Variants in UNCX observed in about 807,000 individuals in gnomAD.
UNCX encodes homeobox protein unc-4 homolog.
UNCX carries 4 observed loss-of-function variants against 14.8 expected under a neutral mutation model. That is an observed-to-expected ratio of 0.27 (90% CI 0.13 to 0.62). The LOEUF is 0.62. UNCX is among the 20% of genes least tolerant of loss of function. The pLI, the probability that UNCX is intolerant of heterozygous loss-of-function variation, is 0.86. For missense variants in UNCX, 749 were observed against 786.8 expected (o/e 0.95, Z 0.58); for synonymous variants, 459 against 395.8 (o/e 1.16, Z -1.90).
In UNCX at chr7:1,235,982, GAGA is replaced by G. The variant is rs1562375640; in HGVS notation, c.610_612del (p.Lys204del). 3.7e-6 allele frequency: 6 copies of G among 1,611,082 alleles called. No individual in the cohort carries two copies. Among genetic ancestry groups the G allele is most frequent in the Admixed American group, 1.7e-5 (1 of 59,762 alleles). ...CGCGCGCAAGGAGCTGGAGAAGATG[GAGA>G]AGAAGAAGCGCAAGCACGAGAAGAA... On this transcript the variant is annotated inframe_deletion, in exon 3 of 3. Transcript: ENST00000316333.
In UNCX at chr7:1,236,328, T is replaced by TGGC. The variant is rs1778740101; in HGVS notation, c.953_955dup (p.Ala318dup). On this transcript the variant is annotated inframe_insertion, in exon 3 of 3. Transcript: ENST00000316333. This position sits in a 1 kb window ranked among gnomAD's most constrained non-coding sequence, Gnocchi z 6.9. Reference sequence around the variant, plus strand: ...GCCTCGTGCGGGCCAGGGGCCGCTGTGGCGGCGGTGGAGCGCGGCGCCGCG... The same window carrying TGGC: ...GCCTCGTGCGGGCCAGGGGCCGCTGTGGCGGCGGCGGTGGAGCGCGGCGCCGCG... 1.5e-6 allele frequency: 2 copies of TGGC among 1,295,234 alleles called. No individual in the cohort carries two copies. Among genetic ancestry groups the TGGC allele is most frequent in the Non-Finnish European group, 2.0e-6 (2 of 1,021,774 alleles). The allele number at this position is 1,295,234 out of a possible 1,614,324, so 80.2% of individuals were successfully genotyped here.
chr7:1,236,522 T>C lies in UNCX; in HGVS notation c.1141T>C (p.Tyr381His). The C allele has an allele frequency of 7.2e-7, 1 of 1,393,058 alleles. No individual in the cohort carries two copies. Among genetic ancestry groups the C allele is most frequent in the Non-Finnish European group, 9.4e-7 (1 of 1,066,524 alleles). 86.3% of individuals were successfully genotyped at this position (1,393,058 alleles called of 1,614,324 possible). ...TLIGKGHFLL[Y>H]PITQPLGFLV... is the part of the protein sequence containing the mutation. Reference sequence around the variant, plus strand: ...GATCGGCAAGGGCCACTTCCTCCTCTACCCCATCACGCAGCCGCTCGGCTT... The same window carrying C: ...GATCGGCAAGGGCCACTTCCTCCTCCACCCCATCACGCAGCCGCTCGGCTT... Residue 381 changes from tyrosine (Y) to histidine (H), a missense_variant, in exon 3 of 3, where the codon TAC becomes CAC. By Grantham distance (83) the Tyr-to-His change is moderately conservative (BLOSUM62 2). Coordinates refer to ENST00000316333, the MANE Select transcript of UNCX (RefSeq NM_001080461.3). The surrounding 1 kb of genome is among the most constrained non-coding windows in gnomAD (Gnocchi z 6.9).
chr7:1,235,752 G>C, intron 2 of UNCX, 80 bp from the exon 3 acceptor site: 3 of 1,335,480 alleles, frequency 2.2e-6, no homozygotes, highest in Non-Finnish European at 2.1e-6. Flanking sequence ...GCCCCTCTGG[G>C]GGGAGCGGGG....
At position 1,233,182 on chromosome 7, in the gene UNCX, C is replaced by T. The variant is rs1482808117; in HGVS notation, c.165C>T (p.Asp55=). 1.7e-5 allele frequency: 25 copies of T among 1,459,404 alleles called. No individual in the cohort carries two copies. The highest frequency in any genetic ancestry group is 2.2e-5 in the Non-Finnish European group (24 of 1,109,676). 90.4% of individuals were successfully genotyped at this position (1,459,404 alleles called of 1,614,324 possible). The change falls in exon 1 of 3, where the codon GAC becomes GAT. Residue 55 remains aspartate (D), a synonymous_variant. Transcript: ENST00000316333. This position sits in a 1 kb window ranked among gnomAD's most constrained non-coding sequence, Gnocchi z 5.3. ...AAAASVPFSI[D]GLLGGSCAAA... is the part of the protein sequence containing the mutation. ...CCGCCTCGGTGCCCTTCTCCATCGA[C>T]GGCCTGCTCGGGGGCTCGTGCGCCG... is the stretch of plus-strand genomic sequence containing the variant.
At chr7:1,234,495 G>A (rs1428923508) in intron 2 of UNCX, among the ~76,000 whole-genome samples, 5 of 151,830 alleles carry the variant, frequency 3.3e-5, no homozygotes, top group Admixed American at 6.6e-5. Flanking sequence ...GTGGGGTCCA[G>A]GTCTGTGGTG....
In UNCX at chr7:1,235,981, G is replaced by T. The variant is rs747603194; in HGVS notation, c.600G>T (p.Met200Ile). Residue 200 changes from methionine (M) to isoleucine (I), a missense_variant, in exon 3 of 3, where the codon ATG becomes ATT. By Grantham distance (10) the Met-to-Ile change is conservative (BLOSUM62 1). This residue lies in a region of UNCX where 552 missense variants were observed against 507.2 expected (regional missense o/e 1.09). Coordinates refer to ENST00000316333, the MANE Select transcript of UNCX (RefSeq NM_001080461.3). Reference protein sequence around the residue: ...EEIARKELEKMEKKKRKHEKK... With the variant: ...EEIARKELEKIEKKKRKHEKK... ...TCGCGCGCAAGGAGCTGGAGAAGAT[G>T]GAGAAGAAGAAGCGCAAGCACGAGA... 11 of 1,610,988 alleles carry T rather than the reference G, an allele frequency of 6.8e-6. No homozygotes were observed. Among genetic ancestry groups the T allele is most frequent in the Admixed American group, 1.7e-5 (1 of 59,752 alleles).
In UNCX at chr7:1,233,555, A is replaced by C; in HGVS notation, c.310A>C (p.Lys104Gln). 6.2e-7 allele frequency: 1 copy of C among 1,612,752 alleles called. No individual in the cohort carries two copies. The highest frequency in any genetic ancestry group is 1.7e-5 in the Admixed American group (1 of 60,004). The change falls in exon 2 of 3, where the codon AAG becomes CAG. Residue 104 changes from lysine (K) to glutamine (Q), a missense_variant. By Grantham distance (53) the Lys-to-Gln change is moderately conservative. Around this residue, in one of 3 missense-constraint regions of UNCX, gnomAD observed 155 missense variants for 166.7 expected, o/e 0.93. Transcript: ENST00000316333. This position sits in a 1 kb window ranked among gnomAD's most constrained non-coding sequence, Gnocchi z 5.3. The stretch of plus-strand genomic sequence containing the variant: ...CCCGGACAAGGAGAGCCCGGGCTGC[A>C]AGCGGCGGCGCACCCGCACCAACTT... ...GDPDKESPGC[K>Q]RRRTRTNFTG...
Position 1,233,419 on chromosome 7 carries a change from C to A in UNCX, c.275-101C>A. The A allele has an allele frequency of 7.3e-6, 10 of 1,374,686 alleles. No individual in the cohort carries two copies. The highest frequency in any genetic ancestry group is 1.7e-5 in the South Asian group (1 of 60,272). 85.2% of individuals were successfully genotyped at this position (1,374,686 alleles called of 1,614,324 possible). ...CTCCTAGGCGGCCGTCTCTGCGCCC[C>A]CCCCCCCGGATCCAGGCGGCCAGCG... On this transcript the variant is annotated intron_variant, in intron 1 of 2. Transcript: ENST00000316333. This position sits in a 1 kb window ranked among gnomAD's most constrained non-coding sequence, Gnocchi z 5.3.
rs1778720194 is a variant in UNCX at position 1,235,451 on chromosome 7, C to T, written c.451-381C>T. Reference sequence around the variant, plus strand: ...GCCAGGCCGGGCGGGCTGCTTAGAACACGAGCCGTGAGCGGCCAGGAAGGG... The same window carrying T: ...GCCAGGCCGGGCGGGCTGCTTAGAATACGAGCCGTGAGCGGCCAGGAAGGG... On this transcript the variant is annotated intron_variant, in intron 2 of 2. Transcript: ENST00000316333. 2.0e-5 allele frequency among the ~76,000 whole-genome samples: 3 copies of T among 152,242 alleles called. No individual in the cohort carries two copies. The South Asian group carries it at 6.2e-4, about 31-fold the overall frequency.
At position 1,233,117 on chromosome 7, in the gene UNCX, T is replaced by C. The variant is rs1778673816; in HGVS notation, c.100T>C (p.Tyr34His). ...FPYPLGHHHV[Y>H]ELAGHQLQSA... ...CTACCCGCTGGGCCACCACCACGTG[T>C]ACGAGCTGGCCGGGCACCAGCTGCA... is the stretch of plus-strand genomic sequence containing the variant. The change falls in exon 1 of 3, where the codon TAC becomes CAC. Residue 34 changes from tyrosine to histidine, a missense_variant. By Grantham distance (83) the Tyr-to-His change is moderately conservative. This residue lies in a region of UNCX where 155 missense variants were observed against 166.7 expected (regional missense o/e 0.93). Transcript: ENST00000316333. The surrounding 1 kb of genome is among the most constrained non-coding windows in gnomAD (Gnocchi z 5.3). 2 of 1,463,164 alleles carry C rather than the reference T, an allele frequency of 1.4e-6. No homozygotes were observed. Among genetic ancestry groups the C allele is most frequent in the Non-Finnish European group, 1.8e-6 (2 of 1,111,596 alleles). 90.6% of individuals were successfully genotyped at this position (1,463,164 alleles called of 1,614,324 possible).
chr7:1,233,417 C>CG lies in UNCX; in HGVS notation c.275-103_275-102insG, dbSNP rs1554251737. On this transcript the variant is annotated intron_variant, in intron 1 of 2. Coordinates refer to ENST00000316333, the MANE Select transcript of UNCX (RefSeq NM_001080461.3). This position sits in a 1 kb window ranked among gnomAD's most constrained non-coding sequence, Gnocchi z 5.3. ...GGCTCCTAGGCGGCCGTCTCTGCGC[C>CG]CCCCCCCCCGGATCCAGGCGGCCAG... 218 of 1,301,246 alleles carry CG rather than the reference C, an allele frequency of 1.7e-4. No individual in the cohort carries two copies. Among genetic ancestry groups the CG allele is most frequent in the Middle Eastern group, 1.1e-3 (4 of 3,550 alleles). 80.6% of individuals were successfully genotyped at this position (1,301,246 alleles called of 1,614,324 possible).
chr7:1,233,413 G>GCCCC lies in UNCX; in HGVS notation c.275-106_275-105insCCCC. ...AGCCGGCTCCTAGGCGGCCGTCTCT[G>GCCCC]CGCCCCCCCCCCCGGATCCAGGCGG... On this transcript the variant is annotated intron_variant, in intron 1 of 2. Transcript: ENST00000316333. This position sits in a 1 kb window ranked among gnomAD's most constrained non-coding sequence, Gnocchi z 5.3. 1 of 1,087,030 alleles carries GCCCC rather than the reference G, an allele frequency of 9.2e-7. No individual in the cohort carries two copies. The highest frequency in any genetic ancestry group is 1.2e-6 in the Non-Finnish European group (1 of 860,772). The allele number at this position is 1,087,030 out of a possible 1,614,324, so 67.3% of individuals were successfully genotyped here. A position where few individuals can be genotyped will look rare whatever the true frequency, so the allele number is the denominator to read the frequency against.
chr7:1,236,730 CG>C lies in UNCX; in HGVS notation c.1354del (p.Ala452ProfsTer90), dbSNP rs1179554896. On this transcript the variant is annotated frameshift_variant, in exon 3 of 3. Coordinates refer to ENST00000316333, the MANE Select transcript of UNCX (RefSeq NM_001080461.3). LOFTEE classifies it low-confidence loss of function (END_TRUNC). This position sits in a 1 kb window ranked among gnomAD's most constrained non-coding sequence, Gnocchi z 6.9. ...ARRSPDAVAS[P>X]GAPAPAPAPF... ...CGCAGCCCCGACGCCGTCGCCTCCC[CG>C]GGGGCCCCAGCCCCGGCCCCGGCGC... 2.0e-6 allele frequency: 2 copies of C among 992,678 alleles called. No homozygotes were observed. Among genetic ancestry groups the C allele is most frequent in the Non-Finnish European group, 2.4e-6 (2 of 836,346 alleles). The allele number at this position is 992,678 out of a possible 1,614,324, so 61.5% of individuals were successfully genotyped here.
rs965064686 is a variant in UNCX at position 1,232,876 on chromosome 7, C to G, written c.-142C>G. 3.6e-6 allele frequency: 1 copy of G among 275,706 alleles called. No individual in the cohort carries two copies. The highest frequency in any genetic ancestry group is 6.6e-5 in the Admixed American group (1 of 15,224). The allele number at this position is 275,706 out of a possible 1,614,324, so 17.1% of individuals were successfully genotyped here. A position where few individuals can be genotyped will look rare whatever the true frequency, so the allele number is the denominator to read the frequency against. ...GGGAGCTTGATGTTGATAAGTAAAG[C>G]GCCGGAGTGCGGGCGAAGCATGTGT... On this transcript the variant is annotated 5_prime_UTR_variant, in exon 1 of 3. Transcript: ENST00000316333.
chr7:1,234,845 G>C (rs1333750657), intron 2 of UNCX, among the ~76,000 whole-genome samples: 4 of 151,628 alleles, frequency 2.6e-5, no homozygotes, highest in Non-Finnish European at 5.9e-5. Context: ...CATGGACAAG[G>C]CTCCCTGCGA....
rs776228786 is a variant in UNCX, at chr7:1,233,654, G to A, written c.409G>A (p.Ala137Thr). ...SHYPDVFMREALALRLDLVES... is the reference protein window; with the variant it reads ...SHYPDVFMRETLALRLDLVES... ...CTATCCCGACGTGTTCATGCGCGAG[G>A]CGCTGGCGCTGCGCCTAGACCTGGT... Residue 137 changes from alanine to threonine, a missense_variant, in exon 2 of 3, where the codon GCG (alanine) becomes ACG (threonine). Physicochemically the swap from Ala to Thr is moderately conservative, Grantham distance 58 (BLOSUM62 0). This residue lies in a region of UNCX where 42 missense variants were observed against 112.9 expected (regional missense o/e 0.37). Coordinates refer to ENST00000316333, the MANE Select transcript of UNCX (RefSeq NM_001080461.3). The surrounding 1 kb of genome is among the most constrained non-coding windows in gnomAD (Gnocchi z 5.3). 3.1e-6 allele frequency: 5 copies of A among 1,612,074 alleles called. No individual in the cohort carries two copies. The South Asian group carries it at 5.5e-5, about 18-fold the overall frequency.
chr7:1,236,744 C>G lies in UNCX; in HGVS notation c.1363C>G (p.Pro455Ala). The change falls in exon 3 of 3, where the codon CCG becomes GCG. Residue 455 changes from proline (P) to alanine (A), a missense_variant. Transcript: ENST00000316333. The surrounding 1 kb of genome is among the most constrained non-coding windows in gnomAD (Gnocchi z 6.9). Reference sequence around the variant, plus strand: ...CGTCGCCTCCCCGGGGGCCCCAGCCCCGGCCCCGGCGCCTTTCCGGGACCT... The same window carrying G: ...CGTCGCCTCCCCGGGGGCCCCAGCCGCGGCCCCGGCGCCTTTCCGGGACCT... The part of the protein sequence containing the change: ...DAVASPGAPA[P>A]APAPFRDLAS... 1.0e-6 allele frequency: 1 copy of G among 989,870 alleles called. No homozygotes were observed. Among genetic ancestry groups the G allele is most frequent in the Middle Eastern group, 5.2e-4 (1 of 1,930 alleles). 61.3% of individuals were successfully genotyped at this position (989,870 alleles called of 1,614,324 possible).
In UNCX at chr7:1,233,249, G is replaced by C; in HGVS notation, c.232G>C (p.Ala78Pro). Residue 78 changes from alanine (A) to proline (P), a missense_variant, in exon 1 of 3, where the codon GCC becomes CCC. Transcript: ENST00000316333. This position sits in a 1 kb window ranked among gnomAD's most constrained non-coding sequence, Gnocchi z 5.3. The part of the protein sequence containing the change: ...VVNPTPLLPA[A>P]CGVGGDGQPF... ...CAACCCCACGCCGCTGCTGCCAGCC[G>C]CCTGCGGGGTCGGCGGGGACGGCCA... is the stretch of plus-strand genomic sequence containing the variant. The C allele has an allele frequency of 2.2e-6, 3 of 1,365,210 alleles. No individual in the cohort carries two copies. The South Asian group carries it at 5.2e-5, about 24-fold the overall frequency. 84.6% of individuals were successfully genotyped at this position (1,365,210 alleles called of 1,614,324 possible). A position where few individuals can be genotyped will look rare whatever the true frequency, so the allele number is the denominator to read the frequency against.
In UNCX at chr7:1,233,418, C is replaced by T. The variant is rs576656207; in HGVS notation, c.275-102C>T. On this transcript the variant is annotated intron_variant, in intron 1 of 2. Coordinates refer to ENST00000316333, the MANE Select transcript of UNCX (RefSeq NM_001080461.3). The surrounding 1 kb of genome is among the most constrained non-coding windows in gnomAD (Gnocchi z 5.3). Reference sequence around the variant, plus strand: ...GCTCCTAGGCGGCCGTCTCTGCGCCCCCCCCCCCGGATCCAGGCGGCCAGC... The same window carrying T: ...GCTCCTAGGCGGCCGTCTCTGCGCCTCCCCCCCCGGATCCAGGCGGCCAGC... The T allele has an allele frequency of 7.3e-6, 10 of 1,373,750 alleles. No individual in the cohort carries two copies. The highest frequency in any genetic ancestry group is 1.7e-5 in the South Asian group (1 of 60,330). The allele number at this position is 1,373,750 out of a possible 1,614,324, so 85.1% of individuals were successfully genotyped here.
Sources: allele counts gnomAD v4.1 joint callset (sites outside exome capture counted in the v4.1 genomes callset), GRCh38; gene constraint gnomAD v4.1.1; regional missense constraint gnomAD v4.1.1; non-coding constraint Gnocchi (gnomAD v3.1); transcripts MANE v1.5; gene names NCBI Gene and HGNC (gene_info 2026-07-23, HGNC 2026-07-21).